Variants in LYAR observed in about 807,000 individuals in gnomAD.
LYAR encodes the protein Ly1 antibody reactive, also known as cell growth-regulating nucleolar protein.
A neutral mutation model predicts 45.2 loss-of-function variants in LYAR; 37 were observed. That is an observed-to-expected ratio of 0.82 (90% confidence interval 0.63 to 1.08). LYAR has a LOEUF of 1.08. Ranked by LOEUF, LYAR falls within the 50% of genes least tolerant of loss-of-function variation. LYAR has a pLI of 0.00. For synonymous variants in LYAR, 176 were observed against 155.1 expected, an observed-to-expected ratio of 1.14 and a Z score of -1.00; for missense variants, 493 against 451.0, an observed-to-expected ratio of 1.09 and a Z score of -0.84.
At chr4:4,272,023 G>C (rs550118940) in intron 8 of LYAR, among the ~76,000 whole-genome samples, 1 of 152,210 alleles carries the variant, frequency 6.6e-6, no homozygotes, top group East Asian at 1.9e-4. Flanking sequence ...AGAACATTCG[G>C]AGATTCCAGA....
At chr4:4,281,697 T>A in intron 4 of LYAR, 86 bp downstream of exon 4, 1 of 945,220 alleles carries the variant, frequency 1.1e-6, no homozygotes, top group Non-Finnish European at 1.7e-6. Context: ...TCTGCAGGGA[T>A]GACACATTTA....
intron 6 of LYAR, among the ~76,000 whole-genome samples, chr4:4,278,889 T>C (rs1301666079): frequency 6.6e-6 from 1 of 152,176 alleles, no homozygotes; most frequent in Non-Finnish European, 1.5e-5. Flanking sequence ...CCCTGCCTGA[T>C]TACTAAGCAA....
chr4:4,273,432 TCG>T (rs1719023173), intron 8 of LYAR, 149 bp downstream of exon 8: 280 of 587,544 alleles, frequency 4.8e-4, no homozygotes, highest in South Asian at 1.5e-3. Flanking sequence ...TCTCTCTCTC[TCG>T]CTTTTTGAAA....
chr4:4,276,175 G>A (rs1008649041), intron 6 of LYAR, among the ~76,000 whole-genome samples: 7 of 152,170 alleles, frequency 4.6e-5, no homozygotes, highest in Non-Finnish European at 1.0e-4. Context: ...AGTGGCCAGT[G>A]GCTGCTTCCA....
chr4:4,277,417 C>A (rs1360364752), intron 6 of LYAR, among the ~76,000 whole-genome samples: 1 of 152,190 alleles, frequency 6.6e-6, no homozygotes, highest in Non-Finnish European at 1.5e-5. Flanking sequence ...ACCAGATTTT[C>A]AGCTGGTGCC....
chr4:4,279,389 T>A, intron 6 of LYAR, 58 bp downstream of exon 6: 1 of 1,148,560 alleles, frequency 8.7e-7, no homozygotes, highest in Non-Finnish European at 1.3e-6. Context: ...GAAATTCCCA[T>A]TTCATTATTA....
chr4:4,274,016 C>T (rs1305705024), intron 7 of LYAR, among the ~76,000 whole-genome samples: 1 of 152,182 alleles, frequency 6.6e-6, no homozygotes, highest in Admixed American at 6.5e-5. Flanking sequence ...GGGGGCGGAT[C>T]ACCAGAGGTC....
chr4:4,268,707 C>T, intron 8 of LYAR, 92 bp from the exon 9 acceptor site: 1 of 776,286 alleles, frequency 1.3e-6, no homozygotes, highest in Non-Finnish European at 2.1e-6. Flanking sequence ...ATTTGCTTCC[C>T]AGGAAATGAG....
Position 4,279,698 on chromosome 4 carries a change from G to T in LYAR, c.289C>A (p.Leu97Ile). The T allele has an allele frequency of 6.2e-7, 1 of 1,613,924 alleles. No individual in the cohort carries two copies. Among genetic ancestry groups the T allele is most frequent in the Non-Finnish European group, 8.5e-7 (1 of 1,179,950 alleles). Residue 97 changes from leucine to isoleucine, a missense_variant, in exon 5 of 10, where the codon CTT becomes ATT. By Grantham distance (5) the Leu-to-Ile change is conservative. Coordinates refer to ENST00000343470, the MANE Select transcript of LYAR (RefSeq NM_017816.3). ...TCAAAAGCACTAATTTGCTCTAAAA[G>T]TTCTCTCACTTTGGGGCTGACATTG... is the stretch of plus-strand genomic sequence containing the variant. ...RPNVSPKVRE[L>I]LEQISAFDNV...
intron 2 of LYAR, 92 bp from the exon 3 acceptor site, chr4:4,283,887 T>C (rs1430146541): frequency 3.4e-6 from 2 of 595,240 alleles, no homozygotes; most frequent in Non-Finnish European, 5.7e-6. Context: ...TAATTTCACA[T>C]GAAAATAACA....
chr4:4,290,105 A>T lies in LYAR; in HGVS notation c.-177T>A, dbSNP rs1048898. 33,626 of 152,622 alleles carry T rather than the reference A, an allele frequency of 0.22. 4,636 individuals carry two copies. The highest frequency in any genetic ancestry group is 0.3 in the Admixed American group (4,659 of 15,308). The allele number at this position is 152,622 out of a possible 1,614,324, so 9.5% of individuals were successfully genotyped here. A position where few individuals can be genotyped will look rare whatever the true frequency, so the allele number is the denominator to read the frequency against. On this transcript the variant is annotated 5_prime_UTR_variant, in exon 1 of 10. Transcript: ENST00000343470. ...CACGTGGACTCGCCGCCGCCAGCCC[A>T]GCGCCGCAGCTACCTGCCTCTCAGG...
At chr4:4,271,941 G>C (rs1034144487) in intron 8 of LYAR, among the ~76,000 whole-genome samples, 1 of 152,180 alleles carries the variant, frequency 6.6e-6, no homozygotes. Flanking sequence ...AGCAACCTGG[G>C]TGAATCTCCA....
At chr4:4,272,080 G>A (rs973959796) in intron 8 of LYAR, among the ~76,000 whole-genome samples, 1 of 152,162 alleles carries the variant, frequency 6.6e-6, no homozygotes, top group East Asian at 1.9e-4. Context: ...AGGGGGTGGG[G>A]GTGAGAGGGA....
Position 4,268,593 on chromosome 4 carries a change from AGT to A in LYAR, c.940_941del (p.Thr314TyrfsTer2). ...GGGCCTGTTTCAGAATTGCTTTAAT[AGT>A]TCCCTTCCAGTTGAATTTACCTACA... is the stretch of plus-strand genomic sequence containing the variant. ...PAKGKFNWKG[T>X]IKAILKQAPD... On this transcript the variant is annotated frameshift_variant, in exon 9 of 10. Transcript: ENST00000343470. LOFTEE classifies it high-confidence loss of function. The A allele has an allele frequency of 6.2e-7, 1 of 1,608,278 alleles. No individual in the cohort carries two copies. The highest frequency in any genetic ancestry group is 8.5e-7 in the Non-Finnish European group (1 of 1,175,874).
intron 1 of LYAR, among the ~76,000 whole-genome samples, chr4:4,288,313 C>T (rs1719695127): frequency 6.6e-6 from 1 of 152,072 alleles, no homozygotes; most frequent in African/African-American, 2.4e-5. Flanking sequence ...GACCATCAAC[C>T]CACCCATTTA....
intron 4 of LYAR, among the ~76,000 whole-genome samples, chr4:4,281,350 T>C (rs1211064152): frequency 6.6e-6 from 1 of 152,166 alleles, no homozygotes. Flanking sequence ...TTTCTTTTTT[T>C]TTGAGACGGA....
rs777327034 is a variant in LYAR at position 4,274,466 on chromosome 4, C to T, written c.733G>A (p.Ala245Thr). 4 of 1,614,182 alleles carry T rather than the reference C, an allele frequency of 2.5e-6. No homozygotes were observed. The Admixed American group carries it at 5.0e-5, about 20-fold the overall frequency. ...GEEVPEANGS[A>T]GKRSKKKKQR... ...TTCTTCTTCTTGCTCCTCTTCCCTG[C>T]AGAGCCATTGGCCTCAGGGACTTCC... The change falls in exon 7 of 10, where the codon GCA becomes ACA. Residue 245 changes from alanine (A) to threonine (T), a missense_variant. Ala to Thr is a moderately conservative substitution (Grantham distance 58). Transcript: ENST00000343470.
intron 6 of LYAR, among the ~76,000 whole-genome samples, chr4:4,277,075 C>A (rs1034016385): frequency 2.0e-5 from 3 of 152,088 alleles, no homozygotes; most frequent in Admixed American, 6.5e-5. Context: ...GAGACTGAGT[C>A]TCGCTCTATC....
In LYAR at chr4:4,273,598, C is replaced by T. The variant is rs1487745208; in HGVS notation, c.904G>A (p.Glu302Lys). The change falls in exon 8 of 10, where the codon GAG becomes AAG. Residue 302 changes from glutamate (E) to lysine (K), a missense_variant. Physicochemically the swap from Glu to Lys is moderately conservative, Grantham distance 56. Coordinates refer to ENST00000343470, the MANE Select transcript of LYAR (RefSeq NM_017816.3). The stretch of plus-strand genomic sequence containing the variant: ...AGTGATATACCTTTTGCAGGAGCCT[C>T]ATCGTCTTCTGGTTCTCCGCCCTCA... Reference protein sequence around the residue: ...HPEGGEPEDDEAPAKGKFNWK... With the variant: ...HPEGGEPEDDKAPAKGKFNWK... 6.2e-7 allele frequency: 1 copy of T among 1,613,256 alleles called. No individual in the cohort carries two copies. Among genetic ancestry groups the T allele is most frequent in the South Asian group, 1.1e-5 (1 of 91,024 alleles).
Sources: gnomAD v4.1 joint callset for allele counts (sites outside exome capture counted in the v4.1 genomes callset) on GRCh38, gnomAD v4.1.1 for gene constraint, MANE v1.5 for transcripts, NCBI Gene and HGNC (gene_info 2026-07-23, HGNC 2026-07-21) for gene names.